Variants in PTGER3 observed in about 807,000 individuals in gnomAD.
PTGER3 encodes the protein prostaglandin E2 receptor EP3 subtype.
In PTGER3, 22 loss-of-function variants were observed where a neutral mutation model predicts 34.7. The ratio of observed to expected loss-of-function variants is 0.63; its 90% confidence interval spans 0.45 to 0.91. The LOEUF (loss-of-function observed/expected upper bound fraction) is 0.91. PTGER3 is among the 40% of genes least tolerant of loss of function. The pLI is 0.00. For missense variants in PTGER3, 468 were observed against 519.4 expected (o/e 0.90, Z 0.96); for synonymous variants, 241 against 230.1 (o/e 1.05, Z -0.43).
chr1:71,020,308 G>A (rs993199322), intron 1 of PTGER3, among the ~76,000 whole-genome samples: 2 of 152,054 alleles, frequency 1.3e-5, no homozygotes, highest in Non-Finnish European at 1.5e-5. Flanking sequence ...TTACTACTAC[G>A]TAATTTTATA....
intron 4 of PTGER3, among the ~76,000 whole-genome samples, chr1:70,890,102 A>G (rs965940289): frequency 2.6e-5 from 4 of 152,198 alleles, no homozygotes; most frequent in African/African-American, 9.7e-5. Context: ...AGTCTTTTAT[A>G]CACAGACCAC....
intron 4 of PTGER3, among the ~76,000 whole-genome samples, chr1:70,946,036 G>A (rs1018138680): frequency 4.6e-5 from 7 of 152,138 alleles, no homozygotes; most frequent in East Asian, 1.9e-4. Context: ...GACTTCCATC[G>A]AAACGGTAGC....
chr1:70,871,520 C>A (rs1646163157), intron 4 of PTGER3, among the ~76,000 whole-genome samples: 1 of 152,092 alleles, frequency 6.6e-6, no homozygotes, highest in African/African-American at 2.4e-5. Context: ...TGTCGGTATT[C>A]CTGGTATTGA....
Position 71,047,171 on chromosome 1 carries a change from G to T in PTGER3, c.407C>A (p.Thr136Asn). Reference protein sequence around the residue: ...SGRLCTFFGLTMTVFGLSSLF... With the variant: ...SGRLCTFFGLNMTVFGLSSLF... ...CGAGGAGAGCCCGAAAACAGTCATG[G>T]TCAGCCCGAAAAAGGTGCAGAGCCG... The change falls in exon 1 of 4, where the codon ACC becomes AAC. Residue 136 changes from threonine (T) to asparagine (N), a missense_variant. Transcript: ENST00000306666. 1.2e-6 allele frequency: 2 copies of T among 1,600,438 alleles called. No individual in the cohort carries two copies. The highest frequency in any genetic ancestry group is 1.7e-6 in the Non-Finnish European group (2 of 1,173,738).
At chr1:70,960,839 T>C (rs1651859004) in intron 2 of PTGER3, among the ~76,000 whole-genome samples, 2 of 152,166 alleles carry the variant, frequency 1.3e-5, no homozygotes, top group African/African-American at 4.8e-5. Flanking sequence ...TAGGAGAATT[T>C]GGGCCAGGAG....
intron 4 of PTGER3, among the ~76,000 whole-genome samples, chr1:70,860,818 A>T (rs1645911910): frequency 6.6e-6 from 1 of 152,204 alleles, no homozygotes; most frequent in Non-Finnish European, 1.5e-5. Flanking sequence ...GAGGCAAAGA[A>T]AAAAGTAGAA....
chr1:70,976,585 CAAAGTTT>C (rs1401675083), intron 2 of PTGER3, among the ~76,000 whole-genome samples: 2 of 152,010 alleles, frequency 1.3e-5, no homozygotes, highest in African/African-American at 4.8e-5. Context: ...TGTTTCTGAC[CAAAGTTT>C]TCCTTCTCTT....
intron 1 of PTGER3, among the ~76,000 whole-genome samples, chr1:71,044,897 A>G (rs1660624733): frequency 6.6e-6 from 1 of 152,158 alleles, no homozygotes; most frequent in Non-Finnish European, 1.5e-5. Flanking sequence ...CTTGTGAAAA[A>G]CTGATACCCT....
intron 2 of PTGER3, among the ~76,000 whole-genome samples, chr1:70,990,773 C>T (rs552556402): frequency 6.6e-6 from 1 of 151,966 alleles, no homozygotes; most frequent in Non-Finnish European, 1.5e-5. Context: ...AGCAACTGCA[C>T]CTGGCTGGAA....
At chr1:70,994,166 C>T (rs566855006) in intron 2 of PTGER3, among the ~76,000 whole-genome samples, 1 of 152,292 alleles carries the variant, frequency 6.6e-6, no homozygotes, top group Admixed American at 6.5e-5. Flanking sequence ...AGGGCCATTG[C>T]AGACATCTGA....
At chr1:70,958,170 G>T (rs1572759225) in intron 2 of PTGER3, among the ~76,000 whole-genome samples, 1 of 152,164 alleles carries the variant, frequency 6.6e-6, no homozygotes, top group South Asian at 2.1e-4. Flanking sequence ...TGGGTGTGCA[G>T]ATGTATCATC....
chr1:71,037,592 G>A (rs575578559), intron 1 of PTGER3, among the ~76,000 whole-genome samples: 28 of 152,220 alleles, frequency 1.8e-4, no homozygotes, highest in Non-Finnish European at 2.8e-4. Context: ...AAGTTTTTAC[G>A]TATTTTCCCC....
chr1:71,014,842 T>C (rs955370821), intron 1 of PTGER3, among the ~76,000 whole-genome samples: 1 of 152,242 alleles, frequency 6.6e-6, no homozygotes, highest in Non-Finnish European at 1.5e-5. Context: ...TACAGATATC[T>C]GCCCATCACA....
At chr1:70,980,835 G>A (rs941414957) in intron 2 of PTGER3, among the ~76,000 whole-genome samples, 4 of 152,040 alleles carry the variant, frequency 2.6e-5, no homozygotes, top group African/African-American at 9.7e-5. Context: ...GCAACTACAG[G>A]TCGCCTATTT....
At chr1:70,862,376 A>G (rs774240497) in intron 4 of PTGER3, 1 of 1,367,004 alleles carries the variant, frequency 7.3e-7, no homozygotes, top group Non-Finnish European at 9.8e-7. Context: ...TCATCAGCTT[A>G]GCTGGACACT....
At position 71,009,924 on chromosome 1, in the gene PTGER3, A is replaced by C. The variant is rs1006950058; in HGVS notation, c.1077+2381T>G. On this transcript the variant is annotated intron_variant, in intron 2 of 3. Coordinates refer to ENST00000306666, the MANE Select transcript of PTGER3 (RefSeq NM_198719.2). ...AACCTCAACCATCATGAAAAGGCTG[A>C]AATCATTTGGGATTTTCATTTCTTA... The C allele has an allele frequency of 4.1e-6, 4 of 985,110 alleles. No homozygotes were observed. In the African/African-American group the frequency reaches 7.0e-5, roughly 17 times the overall value. The allele number at this position is 985,110 out of a possible 1,614,324, so 61.0% of individuals were successfully genotyped here. A position where few individuals can be genotyped will look rare whatever the true frequency, so the allele number is the denominator to read the frequency against.
intron 4 of PTGER3, among the ~76,000 whole-genome samples, chr1:70,864,822 A>T (rs1428763322): frequency 6.6e-6 from 1 of 152,226 alleles, no homozygotes; most frequent in Non-Finnish European, 1.5e-5. Context: ...GCCAAGGAGA[A>T]ATTAAATAAC....
chr1:70,954,676 T>C (rs1651131011), intron 2 of PTGER3, among the ~76,000 whole-genome samples: 1 of 152,146 alleles, frequency 6.6e-6, no homozygotes, highest in Non-Finnish European at 1.5e-5. Flanking sequence ...TTTTCCCCTT[T>C]CACTATTACA....
intron 4 of PTGER3, among the ~76,000 whole-genome samples, chr1:70,914,200 T>C (rs1280402031): frequency 6.6e-6 from 1 of 151,982 alleles, no homozygotes. Context: ...GTACATCTGT[T>C]TGGGGATGAA....
Sources: allele counts gnomAD v4.1 joint callset (sites outside exome capture counted in the v4.1 genomes callset), GRCh38; gene constraint gnomAD v4.1.1; transcripts MANE v1.5; gene names NCBI Gene and HGNC (gene_info 2026-07-23, HGNC 2026-07-21).